SNRNP40: variants seen among roughly 807,000 people sequenced by gnomAD.
SNRNP40 encodes U5 small nuclear ribonucleoprotein 40 kDa protein.
In SNRNP40, 21 loss-of-function variants were observed where a neutral mutation model predicts 45.8. The observed-to-expected ratio is 0.46, with a 90% CI of 0.32 to 0.66. The LOEUF (loss-of-function observed/expected upper bound fraction) is 0.66. Among genes scored for constraint, SNRNP40 ranks in the 30% least tolerant of loss-of-function variants. SNRNP40 has a pLI of 0.03. For missense variants in SNRNP40, 344 were observed against 439.1 expected (o/e 0.78, Z 1.94); for synonymous variants, 142 against 163.8 (o/e 0.87, Z 1.01).
intron 1 of SNRNP40, 63 bp from the exon 2 acceptor site, chr1:31,293,411 G>A (rs1472966121): frequency 6.6e-7 from 1 of 1,504,710 alleles, no homozygotes; most frequent in Non-Finnish European, 8.9e-7. Flanking sequence ...CAAAATTAGG[G>A]GGTGGGGAGT....
chr1:31,273,706 A>G (rs559093040), intron 5 of SNRNP40, among the ~76,000 whole-genome samples: 7 of 152,300 alleles, frequency 4.6e-5, no homozygotes, highest in South Asian at 2.1e-4. Flanking sequence ...CAGCTGTTCA[A>G]TGAAAAATCT....
intron 4 of SNRNP40, among the ~76,000 whole-genome samples, chr1:31,284,087 G>A (rs1282763902): frequency 6.6e-6 from 1 of 152,164 alleles, no homozygotes; most frequent in Non-Finnish European, 1.5e-5. Context: ...GTTGGGTGTG[G>A]TGGTATATGC....
rs772247317 is a variant in SNRNP40 at position 31,292,055 on chromosome 1, T to C, written c.272-49A>G. On this transcript the variant is annotated intron_variant, in intron 2 of 9. Transcript: ENST00000263694. ...AGCATTACTAGGCAAAGGGTACTTA[T>C]AAATTTATCAGAACAACAGTTCTCA... The C allele has an allele frequency of 6.0e-5, 75 of 1,259,932 alleles. No homozygotes were observed. The Admixed American group carries it at 1.1e-3, about 19-fold the overall frequency. 78.0% of individuals were successfully genotyped at this position (1,259,932 alleles called of 1,614,324 possible).
intron 6 of SNRNP40, among the ~76,000 whole-genome samples, chr1:31,270,403 G>A (rs968951806): frequency 1.3e-5 from 2 of 152,038 alleles, no homozygotes; most frequent in African/African-American, 4.8e-5. Context: ...ACCAGCCTGG[G>A]CAACACAGCA....
chr1:31,271,557 T>C (rs1356088903), intron 5 of SNRNP40, 58 bp from the exon 6 acceptor site: 2 of 1,551,944 alleles, frequency 1.3e-6, no homozygotes, highest in African/African-American at 1.4e-5. Context: ...AGAAAGAGAA[T>C]GACACAAGAG....
chr1:31,295,013 C>T (rs1646132240), intron 1 of SNRNP40, among the ~76,000 whole-genome samples: 1 of 151,224 alleles, frequency 6.6e-6, no homozygotes, highest in South Asian at 2.1e-4. Context: ...CAATGGAGCT[C>T]GCTGTTCCAG....
At chr1:31,288,697 G>A (rs1646079756) in intron 4 of SNRNP40, among the ~76,000 whole-genome samples, 2 of 146,884 alleles carry the variant, frequency 1.4e-5, no homozygotes, top group Non-Finnish European at 3.0e-5. Context: ...CTCCCTGTTG[G>A]TGGAGATACT....
intron 8 of SNRNP40, chr1:31,263,787 G>A: frequency 4.1e-6 from 1 of 243,652 alleles, no homozygotes; most frequent in Non-Finnish European, 8.1e-6. Flanking sequence ...GAGCCCAGCA[G>A]GGGGTTCCTA....
chr1:31,271,970 C>A (rs1377142898), intron 5 of SNRNP40, among the ~76,000 whole-genome samples: 1 of 152,028 alleles, frequency 6.6e-6, no homozygotes, highest in African/African-American at 2.4e-5. Flanking sequence ...CTCAGGCTAC[C>A]ACGTTTGACT....
chr1:31,266,024 C>T (rs768703138), intron 8 of SNRNP40, among the ~76,000 whole-genome samples: 1 of 152,140 alleles, frequency 6.6e-6, no homozygotes, highest in Non-Finnish European at 1.5e-5. Context: ...CTCTCTAAAC[C>T]ACTTGCACTC....
chr1:31,283,990 G>A (rs1014375405), intron 4 of SNRNP40, among the ~76,000 whole-genome samples: 4 of 152,102 alleles, frequency 2.6e-5, no homozygotes, highest in Admixed American at 1.3e-4. Context: ...TTCGGAGGCC[G>A]AGGCCAGGAG....
At chr1:31,280,163 T>G (rs1340566756) in intron 5 of SNRNP40, among the ~76,000 whole-genome samples, 2 of 143,626 alleles carry the variant, frequency 1.4e-5, no homozygotes, top group Admixed American at 6.9e-5. Flanking sequence ...AGCAAGGATA[T>G]TCCTTTCTTT....
intron 5 of SNRNP40, among the ~76,000 whole-genome samples, chr1:31,277,295 G>GT (rs1557676648): frequency 6.6e-6 from 1 of 152,204 alleles, no homozygotes; most frequent in Non-Finnish European, 1.5e-5. Context: ...CTGTGAAATA[G>GT]TAAGAGTGAC....
At chr1:31,269,454 G>A (rs1382961990) in intron 6 of SNRNP40, 1 of 1,177,510 alleles carries the variant, frequency 8.5e-7, no homozygotes, top group Admixed American at 3.8e-5. Flanking sequence ...GCTAGCTGAG[G>A]GGGCAGGAAG....
chr1:31,260,999 C>T lies in SNRNP40; in HGVS notation c.1024+530G>A, dbSNP rs1160126554. 4.8e-6 allele frequency: 6 copies of T among 1,261,536 alleles called. No homozygotes were observed. In the South Asian group the frequency reaches 7.8e-5, roughly 16 times the overall value. 78.1% of individuals were successfully genotyped at this position (1,261,536 alleles called of 1,614,324 possible). On this transcript the variant is annotated intron_variant, in intron 9 of 9. Transcript: ENST00000263694. The stretch of plus-strand genomic sequence containing the variant: ...AGAAGAAAATGGAGCATTGCTCTTA[C>T]TCTCACCACTTATGAGCAATGGTGA...
rs747822769 is a variant in SNRNP40 at position 31,296,775 on chromosome 1, C to T, written c.-24G>A. 6.4e-7 allele frequency: 1 copy of T among 1,555,974 alleles called. No individual in the cohort carries two copies. Among genetic ancestry groups the T allele is most frequent in the South Asian group, 1.2e-5 (1 of 85,044 alleles). On this transcript the variant is annotated 5_prime_UTR_variant, in exon 1 of 10. Transcript: ENST00000263694. ...ATGGCGGCAACCGGTCTCTTCAGCGCCGCCACTGACCGCGCTGCCGCTCTC... is the reference window on the plus strand; with the variant it reads ...ATGGCGGCAACCGGTCTCTTCAGCGTCGCCACTGACCGCGCTGCCGCTCTC...
Position 31,259,786 on chromosome 1 carries a change from T to G in SNRNP40, c.*286A>C, listed in dbSNP as rs532572521. The G allele has an allele frequency of 3.5e-6, 2 of 568,606 alleles. No individual in the cohort carries two copies. The highest frequency in any genetic ancestry group is 3.9e-5 in the African/African-American group (2 of 51,628). 35.2% of individuals were successfully genotyped at this position (568,606 alleles called of 1,614,324 possible). ...AAAAAAAAAAATCCCAACCAACAAATTTGTCACATTGGGCCTGCATTAGAA... is the reference window on the plus strand; with the variant it reads ...AAAAAAAAAAATCCCAACCAACAAAGTTGTCACATTGGGCCTGCATTAGAA... On this transcript the variant is annotated 3_prime_UTR_variant, in exon 10 of 10. Coordinates refer to ENST00000263694, the MANE Select transcript of SNRNP40 (RefSeq NM_004814.3).
chr1:31,271,033 A>C (rs1008946302), intron 6 of SNRNP40, among the ~76,000 whole-genome samples: 2 of 152,344 alleles, frequency 1.3e-5, no homozygotes, highest in South Asian at 4.1e-4. Flanking sequence ...CTGAAAACGC[A>C]CAAGAACTGC....
intron 5 of SNRNP40, among the ~76,000 whole-genome samples, chr1:31,272,666 C>G (rs1645946926): frequency 6.6e-6 from 1 of 152,108 alleles, no homozygotes; most frequent in Non-Finnish European, 1.5e-5. Context: ...AAGACAGGTC[C>G]TCAATAATGT....
Sources: allele counts gnomAD v4.1 joint callset (sites outside exome capture counted in the v4.1 genomes callset), GRCh38; gene constraint gnomAD v4.1.1; transcripts MANE v1.5; gene names NCBI Gene and HGNC (gene_info 2026-07-23, HGNC 2026-07-21).